PHF24: variants seen among roughly 807,000 people sequenced by gnomAD.
PHF24 encodes the protein PHD finger protein 24.
Under a neutral mutation model 42.6 loss-of-function variants are expected in PHF24, and 25 were observed. The observed-to-expected ratio is 0.59, with a 90% CI of 0.43 to 0.82. PHF24 has a LOEUF of 0.82. Among genes scored for constraint, PHF24 ranks in the 40% least tolerant of loss-of-function variants. PHF24 has a pLI of 0.00. For missense variants in PHF24, 470 were observed against 538.1 expected (o/e 0.87, Z 1.25); for synonymous variants, 185 against 204.8 (o/e 0.90, Z 0.83).
At chr9:34,683,091 T>C in the PHF24 span, among the ~76,000 whole-genome samples, 1 of 151,652 alleles carries the variant, frequency 6.6e-6, no homozygotes, top group Non-Finnish European at 1.5e-5. Context: ...GACAGAGTTT[T>C]GCTCTGTTGC....
chr9:34,979,673 C>G (rs1019844657), exon 8 of PHF24: 3 of 152,248 alleles, frequency 2.0e-5, no homozygotes, highest in Non-Finnish European at 4.4e-5. Context: ...ACACACCGCT[C>G]GGTGCTGAAT....
chr9:34,873,990 G>T, the PHF24 span, among the ~76,000 whole-genome samples: 5 of 151,350 alleles, frequency 3.3e-5, no homozygotes, highest in Non-Finnish European at 5.9e-5. Context: ...TCATGATTTG[G>T]CTGTTTGTCT....
At chr9:34,806,594 G>C in the PHF24 span, among the ~76,000 whole-genome samples, 1 of 152,060 alleles carries the variant, frequency 6.6e-6, no homozygotes, top group Non-Finnish European at 1.5e-5. Context: ...GAGTAGCCAG[G>C]ATTACAGGTG....
the PHF24 span, among the ~76,000 whole-genome samples, chr9:34,852,092 A>C: frequency 8.5e-5 from 13 of 152,300 alleles, no homozygotes; most frequent in Admixed American, 2.0e-4. Context: ...AGCCTACTCA[A>C]CATGAAGACA....
At chr9:34,941,213 C>T in the PHF24 span, among the ~76,000 whole-genome samples, 1 of 152,062 alleles carries the variant, frequency 6.6e-6, no homozygotes, top group Admixed American at 6.5e-5. Context: ...AGGATGGTGC[C>T]CCATCCTTTC....
At chr9:34,825,090 T>C in the PHF24 span, among the ~76,000 whole-genome samples, 13 of 152,094 alleles carry the variant, frequency 8.5e-5, no homozygotes, top group Non-Finnish European at 4.4e-5. Context: ...GTTTTCTAAC[T>C]GGGGAACCAG....
chr9:34,924,991 T>A, the PHF24 span, among the ~76,000 whole-genome samples: 8 of 152,206 alleles, frequency 5.3e-5, no homozygotes, highest in Non-Finnish European at 1.0e-4. Flanking sequence ...ATGGTAATCA[T>A]CTTTTCAATT....
At chr9:34,823,734 G>A in the PHF24 span, among the ~76,000 whole-genome samples, 5,543 of 152,230 alleles carry the variant, frequency 0.036, 201 homozygotes, top group African/African-American at 0.083. Flanking sequence ...GAATGGGATA[G>A]TGAGTCTCTG....
the PHF24 span, among the ~76,000 whole-genome samples, chr9:34,885,872 A>G: frequency 6.6e-6 from 1 of 151,280 alleles, no homozygotes; most frequent in Non-Finnish European, 1.5e-5. Flanking sequence ...CTTGGGCCCT[A>G]ATAGTAACTT....
At chr9:34,938,284 T>A in the PHF24 span, among the ~76,000 whole-genome samples, 2,243 of 152,308 alleles carry the variant, frequency 0.015, 60 homozygotes, top group African/African-American at 0.051. Context: ...CCCAACTCTG[T>A]TCCCTGAGTT....
At chr9:34,896,601 C>CTCTT in the PHF24 span, among the ~76,000 whole-genome samples, 1 of 152,176 alleles carries the variant, frequency 6.6e-6, no homozygotes, top group Non-Finnish European at 1.5e-5. Flanking sequence ...AAACTTGTGG[C>CTCTT]TCTTTGGTTG....
At chr9:34,824,430 CAGTTAG>C in the PHF24 span, among the ~76,000 whole-genome samples, 1 of 152,152 alleles carries the variant, frequency 6.6e-6, no homozygotes, top group African/African-American at 2.4e-5. Context: ...CCTAGGGTTA[CAGTTAG>C]AGTTAGAATT....
chr9:34,955,817 A>G (rs181241565), upstream of PHF24, among the ~76,000 whole-genome samples: 132 of 152,292 alleles, frequency 8.7e-4, no homozygotes, highest in East Asian at 0.021. Flanking sequence ...TATCTTGTGC[A>G]TAATTCTGTG....
the PHF24 span, among the ~76,000 whole-genome samples, chr9:34,789,686 T>C: frequency 2.6e-5 from 4 of 152,176 alleles, no homozygotes; most frequent in African/African-American, 9.7e-5. Flanking sequence ...ATGTGTGAAG[T>C]AAACAAAATT....
Position 34,971,678 on chromosome 9 carries a change from T to C in PHF24, c.378+2T>C. On this transcript the variant is annotated splice_donor_variant, in intron 2 of 7. Transcript: ENST00000242315. LOFTEE classifies it high-confidence loss of function. ...ATCTGCCTGGAGCCCAGAGAGCCTGTGAGTATCCAGTTAGGACAGGATCCT... is the reference window on the plus strand; with the variant it reads ...ATCTGCCTGGAGCCCAGAGAGCCTGCGAGTATCCAGTTAGGACAGGATCCT... 1 of 1,604,392 alleles carries C rather than the reference T, an allele frequency of 6.2e-7. No homozygotes were observed. Among genetic ancestry groups the C allele is most frequent in the Non-Finnish European group, 8.5e-7 (1 of 1,174,650 alleles).
the PHF24 span, among the ~76,000 whole-genome samples, chr9:34,767,674 C>T: frequency 6.6e-6 from 1 of 152,254 alleles, no homozygotes; most frequent in Non-Finnish European, 1.5e-5. Flanking sequence ...GGCAATGCCT[C>T]GCCCTGCTTC....
Position 34,958,613 on chromosome 9 carries a change from CT to C in PHF24, c.-5+213del, listed in dbSNP as rs1826477911. Among the ~76,000 whole-genome samples the C allele has an allele frequency of 6.6e-6, 1 of 152,156 alleles. No homozygotes were observed. Among genetic ancestry groups the C allele is most frequent in the Admixed American group, 6.5e-5 (1 of 15,288 alleles). ...GGGGAGCCGCCCCCATAAAGACCCC[CT>C]GTGGGAATGGACTCCCGCGGCGCTG... On this transcript the variant is annotated intron_variant, in intron 1 of 7. Coordinates refer to ENST00000242315, the Ensembl canonical transcript of PHF24. This position sits in a 1 kb window ranked among gnomAD's most constrained non-coding sequence, Gnocchi z 4.5.
At chr9:34,881,848 C>T in the PHF24 span, among the ~76,000 whole-genome samples, 1 of 152,184 alleles carries the variant, frequency 6.6e-6, no homozygotes, top group South Asian at 2.1e-4. Flanking sequence ...GGGAATCCTC[C>T]CTAATTCATT....
At chr9:34,680,954 C>G in the PHF24 span, 59 of 152,320 alleles carry the variant, frequency 3.9e-4, no homozygotes, top group African/African-American at 1.3e-3. Context: ...GGTTTTACTT[C>G]TCATCTTGGG....
Sources: allele counts gnomAD v4.1 joint callset (sites outside exome capture counted in the v4.1 genomes callset), GRCh38; gene constraint gnomAD v4.1.1; non-coding constraint Gnocchi (gnomAD v3.1); transcripts MANE v1.5; gene names NCBI Gene and HGNC (gene_info 2026-07-23, HGNC 2026-07-21).